The following RNF144A variants were observed in gnomAD, a reference collection of about 807,000 sequenced individuals.
RNF144A encodes the protein ring finger protein 144A, also known as E3 ubiquitin-protein ligase RNF144A.
Under a neutral mutation model 38.7 loss-of-function variants are expected in RNF144A, and 11 were observed. The observed-to-expected ratio is 0.28, with a 90% CI of 0.18 to 0.47. The LOEUF (loss-of-function observed/expected upper bound fraction) is 0.47, where lower values mean the gene tolerates loss of function less well. Ranked by LOEUF, RNF144A falls within the 20% of genes least tolerant of loss-of-function variation. RNF144A has a pLI of 0.99. For missense variants in RNF144A, 316 were observed against 377.2 expected (o/e 0.84, Z 1.34); for synonymous variants, 149 against 143.9 (o/e 1.04, Z -0.25).
chr2:6,991,778 A>AAT (rs1286014474), intron 2 of RNF144A, among the ~76,000 whole-genome samples: 2 of 152,280 alleles, frequency 1.3e-5, no homozygotes, highest in East Asian at 1.9e-4. Flanking sequence ...ATACATATAT[A>AAT]ATATATATAC....
chr2:7,051,567 T>G lies in RNF144A; in HGVS notation c.735-16649T>G, dbSNP rs149412259. Among the ~76,000 whole-genome samples the G allele has an allele frequency of 2.2e-3, 332 of 152,182 alleles. 1 individual carries two copies. The highest frequency in any genetic ancestry group is 7.7e-3 in the African/African-American group (319 of 41,504). ...GAGATGGGGGTCTATGCCCAGCCTG[T>G]GGAGTGGAAAGTAACAAGTATCAGT... On this transcript the variant is annotated intron_variant, in intron 6 of 6. Coordinates refer to the RNF144A transcript ENST00000432850.
intron 6 of RNF144A, among the ~76,000 whole-genome samples, chr2:7,057,845 A>G (rs960145212): frequency 2.0e-5 from 3 of 152,238 alleles, no homozygotes; most frequent in Admixed American, 2.0e-4. Context: ...CCCAGGGATC[A>G]AATGTTAAGC....
At chr2:7,022,734 T>C (rs775007339) in intron 6 of RNF144A, among the ~76,000 whole-genome samples, 15 of 152,156 alleles carry the variant, frequency 9.9e-5, no homozygotes, top group Non-Finnish European at 1.9e-4. Context: ...TTTTGCAAAA[T>C]CAAAGTCATT....
At chr2:7,054,300 G>A (rs1673641504) in intron 6 of RNF144A, among the ~76,000 whole-genome samples, 1 of 152,132 alleles carries the variant, frequency 6.6e-6, no homozygotes, top group South Asian at 2.1e-4. Flanking sequence ...CCACTACCCT[G>A]GACATAACAT....
chr2:6,985,268 C>CTTT (rs1558405817), intron 2 of RNF144A, among the ~76,000 whole-genome samples: 4 of 128,614 alleles, frequency 3.1e-5, no homozygotes, highest in Non-Finnish European at 3.2e-5. Flanking sequence ...TCCCTCCCCC[C>CTTT]TCTTTTTTTT....
chr2:7,051,199 C>T (rs1468547836), intron 6 of RNF144A, among the ~76,000 whole-genome samples: 12 of 152,208 alleles, frequency 7.9e-5, no homozygotes, highest in African/African-American at 2.9e-4. Context: ...GGGGGTTGCT[C>T]AGAGCACAGA....
Position 7,043,107 on chromosome 2 carries a change from A to T in RNF144A, c.*3347A>T, listed in dbSNP as rs930039840. Reference sequence around the variant, plus strand: ...ACTCTCAAACTCCTGACCTCAGGTGATCTGCCCACCTCGGCTTCCCAAAGT... The same window carrying T: ...ACTCTCAAACTCCTGACCTCAGGTGTTCTGCCCACCTCGGCTTCCCAAAGT... On this transcript the variant is annotated 3_prime_UTR_variant, in exon 9 of 9. Transcript: ENST00000320892. 1.2e-6 allele frequency: 1 copy of T among 814,022 alleles called. No homozygotes were observed. Among genetic ancestry groups the T allele is most frequent in the African/African-American group, 1.9e-5 (1 of 53,842 alleles). The allele number at this position is 814,022 out of a possible 1,614,324, so 50.4% of individuals were successfully genotyped here. A position where few individuals can be genotyped will look rare whatever the true frequency, so the allele number is the denominator to read the frequency against.
chr2:6,994,323 C>T (rs1669582770), intron 2 of RNF144A, among the ~76,000 whole-genome samples: 1 of 152,108 alleles, frequency 6.6e-6, no homozygotes, highest in Non-Finnish European at 1.5e-5. Flanking sequence ...GTTTGTGATC[C>T]AATTTAGGGC....
intron 3 of RNF144A, among the ~76,000 whole-genome samples, chr2:7,009,169 T>C (rs1038428237): frequency 2.0e-5 from 3 of 152,156 alleles, no homozygotes; most frequent in Non-Finnish European, 4.4e-5. Context: ...ATGGAAATTG[T>C]GCATAGGTAG....
chr2:7,030,102 C>T (rs199743542), intron 7 of RNF144A, 24 bp from the exon 8 acceptor site: 38 of 1,546,420 alleles, frequency 2.5e-5, no homozygotes, highest in Non-Finnish European at 2.7e-5. Flanking sequence ...TCGTTCATGC[C>T]GTCTCTGTCT....
chr2:7,032,041 C>G (rs1672338957), intron 8 of RNF144A, among the ~76,000 whole-genome samples: 1 of 152,264 alleles, frequency 6.6e-6, no homozygotes, highest in African/African-American at 2.4e-5. Flanking sequence ...GAATTATGTC[C>G]CAATAAAGCT....
At chr2:6,921,483 G>A (rs1664536279) in intron 1 of RNF144A, among the ~76,000 whole-genome samples, 1 of 152,222 alleles carries the variant, frequency 6.6e-6, no homozygotes, top group Non-Finnish European at 1.5e-5. Flanking sequence ...TGCAGCACAG[G>A]CGTATGTTGC....
At chr2:7,046,497 G>C (rs1673312672), downstream of RNF144A, among the ~76,000 whole-genome samples, 1 of 152,226 alleles carries the variant, frequency 6.6e-6, no homozygotes, top group Non-Finnish European at 1.5e-5. Context: ...TCTTGCACAG[G>C]ATTTTTCTGA....
intron 1 of RNF144A, among the ~76,000 whole-genome samples, chr2:6,936,308 C>T (rs1027270044): frequency 6.6e-6 from 1 of 152,200 alleles, no homozygotes; most frequent in Non-Finnish European, 1.5e-5. Context: ...TATATACACA[C>T]ACCCACACAC....
At chr2:7,024,022 C>A (rs1671707206) in intron 6 of RNF144A, among the ~76,000 whole-genome samples, 1 of 152,178 alleles carries the variant, frequency 6.6e-6, no homozygotes, top group Non-Finnish European at 1.5e-5. Flanking sequence ...AATAAGGATA[C>A]AATATTTGAC....
chr2:6,920,561 C>A (rs1318483172), intron 1 of RNF144A, among the ~76,000 whole-genome samples: 1 of 152,204 alleles, frequency 6.6e-6, no homozygotes, highest in Non-Finnish European at 1.5e-5. Flanking sequence ...GAGCAAGGAA[C>A]CCCTGGCTTC....
intron 3 of RNF144A, among the ~76,000 whole-genome samples, chr2:7,009,469 T>C (rs1670657681): frequency 6.6e-6 from 1 of 151,318 alleles, no homozygotes; most frequent in African/African-American, 2.4e-5. Context: ...GTCTAAAGGC[T>C]CGACAGAAGC....
At chr2:6,954,412 A>C (rs1558380349) in intron 2 of RNF144A, among the ~76,000 whole-genome samples, 1 of 152,252 alleles carries the variant, frequency 6.6e-6, no homozygotes, top group Admixed American at 6.5e-5. Context: ...TAAGAGCCTT[A>C]GAATTCTGTA....
intron 5 of RNF144A, among the ~76,000 whole-genome samples, chr2:7,018,963 TC>T (rs1027473071): frequency 2.4e-4 from 36 of 152,086 alleles, no homozygotes; most frequent in African/African-American, 8.7e-4. Flanking sequence ...CCAAATCCAG[TC>T]CCGCCGGTGG....
Sources: allele counts gnomAD v4.1 joint callset (sites outside exome capture counted in the v4.1 genomes callset), GRCh38; gene constraint gnomAD v4.1.1; transcripts MANE v1.5; gene names NCBI Gene and HGNC (gene_info 2026-07-23, HGNC 2026-07-21).